Variants in EFCAB11 observed in about 807,000 individuals in gnomAD.
The protein encoded by EFCAB11 is EF-hand calcium-binding domain-containing protein 11.
EFCAB11 carries 14 observed loss-of-function variants against 23.0 expected under a neutral mutation model. The observed-to-expected ratio is 0.61, with a 90% confidence interval of 0.40 to 0.95. The LOEUF (loss-of-function observed/expected upper bound fraction) is 0.95. EFCAB11 is among the 40% of genes least tolerant of loss of function. The pLI, the probability that EFCAB11 is intolerant of heterozygous loss-of-function variation, is 0.00. For missense variants in EFCAB11, 198 were observed against 195.8 expected (o/e 1.01, Z -0.07); for synonymous variants, 65 against 66.6 (o/e 0.98, Z 0.11).
intron 5 of EFCAB11, among the ~76,000 whole-genome samples, chr14:89,913,431 T>A (rs1343275764): frequency 6.6e-6 from 1 of 151,912 alleles, no homozygotes; most frequent in Non-Finnish European, 1.5e-5. Flanking sequence ...CTTGGGTGAG[T>A]CACATACGTT....
In EFCAB11 at chr14:89,801,761, C is replaced by T. The variant is rs753727264; in HGVS notation, c.411-4437G>A. On this transcript the variant is annotated intron_variant, in intron 5 of 5. Transcript: ENST00000316738. ...GTAATCCCAGCATTTTGGGAGGCCGCGGCAGGTGGATCACTGGAGGTCAGG... is the reference window on the plus strand; with the variant it reads ...GTAATCCCAGCATTTTGGGAGGCCGTGGCAGGTGGATCACTGGAGGTCAGG... 3.9e-5 allele frequency among the ~76,000 whole-genome samples: 6 copies of T among 152,148 alleles called. No individual in the cohort carries two copies. The South Asian group carries it at 6.2e-4, about 16-fold the overall frequency.
intron 5 of EFCAB11, among the ~76,000 whole-genome samples, chr14:89,894,142 G>A (rs1889082977): frequency 6.6e-6 from 1 of 152,044 alleles, no homozygotes; most frequent in African/African-American, 2.4e-5. Flanking sequence ...AGTAGAGATG[G>A]GGTTTCACCG....
intron 3 of EFCAB11, among the ~76,000 whole-genome samples, chr14:89,947,427 T>C (rs1891021883): frequency 6.6e-6 from 1 of 152,174 alleles, no homozygotes; most frequent in Non-Finnish European, 1.5e-5. Context: ...CATCTCTTGA[T>C]CTATTGCCAC....
chr14:89,831,878 C>G lies in EFCAB11; in HGVS notation c.411-34554G>C, dbSNP rs370277966. ...GAGGTTGTTCTTTGAAATGAAGTAG[C>G]ATTTTTTGATTGCAGCTTTTATCTG... is the stretch of plus-strand genomic sequence containing the variant. On this transcript the variant is annotated intron_variant, in intron 5 of 5. Transcript: ENST00000316738. Among the ~76,000 whole-genome samples the G allele has an allele frequency of 2.0e-3, 309 of 152,224 alleles. 1 individual carries two copies. Among genetic ancestry groups the G allele is most frequent in the African/African-American group, 7.2e-3 (299 of 41,518 alleles).
intron 5 of EFCAB11, among the ~76,000 whole-genome samples, chr14:89,832,620 T>C (rs1886921694): frequency 6.6e-6 from 1 of 152,202 alleles, no homozygotes; most frequent in Non-Finnish European, 1.5e-5. Context: ...AAGCTGAAAA[T>C]GCATTTAATC....
chr14:89,950,653 A>G (rs1040185398), intron 2 of EFCAB11, among the ~76,000 whole-genome samples: 1 of 152,200 alleles, frequency 6.6e-6, no homozygotes, highest in African/African-American at 2.4e-5. Context: ...TCCCCTATGC[A>G]TCTTTAAACA....
intron 5 of EFCAB11, among the ~76,000 whole-genome samples, chr14:89,907,199 T>G (rs1889525222): frequency 6.6e-6 from 1 of 151,976 alleles, no homozygotes; most frequent in Non-Finnish European, 1.5e-5. Context: ...GAAGAAAGAG[T>G]TACAGAGAAA....
intron 5 of EFCAB11, among the ~76,000 whole-genome samples, chr14:89,911,031 A>G (rs1307609472): frequency 4.6e-5 from 7 of 152,244 alleles, no homozygotes; most frequent in African/African-American, 1.7e-4. Flanking sequence ...ACTATGGATC[A>G]GGCTTGGAGA....
intron 3 of EFCAB11, among the ~76,000 whole-genome samples, chr14:89,944,940 A>G (rs967015666): frequency 8.7e-6 from 1 of 114,672 alleles, no homozygotes; most frequent in African/African-American, 3.4e-5. Context: ...TCTAATAATA[A>G]ATCTAATAAA....
intron 5 of EFCAB11, among the ~76,000 whole-genome samples, chr14:89,907,271 G>A (rs1889526636): frequency 6.6e-6 from 1 of 152,206 alleles, no homozygotes; most frequent in African/African-American, 2.4e-5. Context: ...ATGAGCAGGT[G>A]GATTCTGAGA....
chr14:89,819,216 A>C (rs1412582275), intron 5 of EFCAB11, among the ~76,000 whole-genome samples: 1 of 152,170 alleles, frequency 6.6e-6, no homozygotes, highest in Non-Finnish European at 1.5e-5. Context: ...TAAATCTCAA[A>C]ATAATTACAC....
chr14:89,943,586 A>G, intron 3 of EFCAB11, among the ~76,000 whole-genome samples: 1 of 152,220 alleles, frequency 6.6e-6, no homozygotes, highest in East Asian at 1.9e-4. Context: ...GAGAGATAAT[A>G]TATGTGGAAA....
chr14:89,925,648 C>CTTTTTTT (rs397758240), intron 5 of EFCAB11, among the ~76,000 whole-genome samples: 13,563 of 133,674 alleles, frequency 0.1, 783 homozygotes, highest in South Asian at 0.21. Context: ...ATGTTTCTTT[C>CTTTTTTT]TTTTTTTTTT....
chr14:89,816,559 G>A (rs1424617302), intron 5 of EFCAB11, among the ~76,000 whole-genome samples: 1 of 152,084 alleles, frequency 6.6e-6, no homozygotes, highest in Non-Finnish European at 1.5e-5. Context: ...ATAAAATAAA[G>A]CATACATTCC....
In EFCAB11 at chr14:89,910,752, C is replaced by T. The variant is rs559434594; in HGVS notation, c.410+20789G>A. Among the ~76,000 whole-genome samples, 7 of 152,116 alleles carry T rather than the reference C, an allele frequency of 4.6e-5. No individual in the cohort carries two copies. The East Asian group carries it at 5.8e-4, about 13-fold the overall frequency. On this transcript the variant is annotated intron_variant, in intron 5 of 5. Coordinates refer to ENST00000316738, the MANE Select transcript of EFCAB11 (RefSeq NM_145231.4). ...CACTTGGAGTGTTGCCAGCTTCACT[C>T]GGAAGACAGGAGAGTCGGACGGGTT...
intron 5 of EFCAB11, among the ~76,000 whole-genome samples, chr14:89,882,866 G>C (rs146098930): frequency 0.016 from 2,389 of 152,262 alleles, 28 homozygotes; most frequent in Middle Eastern, 0.027. Context: ...GAGGTGTTTG[G>C]GTCCTGGGGG....
At chr14:89,848,913 C>A (rs181283404) in intron 5 of EFCAB11, 5 of 152,128 alleles carry the variant, frequency 3.3e-5, no homozygotes, top group South Asian at 2.1e-4. Flanking sequence ...GGTGACACAG[C>A]GAGACTCTGT....
intron 5 of EFCAB11, among the ~76,000 whole-genome samples, chr14:89,840,269 A>T (rs1887217256): frequency 6.6e-6 from 1 of 152,252 alleles, no homozygotes; most frequent in African/African-American, 2.4e-5. Context: ...TAAACTTGGA[A>T]TCTAGAAGTA....
intron 5 of EFCAB11, among the ~76,000 whole-genome samples, chr14:89,913,234 C>T (rs569151668): frequency 6.6e-6 from 1 of 152,094 alleles, no homozygotes; most frequent in Admixed American, 6.5e-5. Context: ...AATTAACTGC[C>T]GAAGGTACGG....
Sources: gnomAD v4.1 joint callset for allele counts (sites outside exome capture counted in the v4.1 genomes callset) on GRCh38, gnomAD v4.1.1 for gene constraint, MANE v1.5 for transcripts, NCBI Gene and HGNC (gene_info 2026-07-23, HGNC 2026-07-21) for gene names.